SLC2A13: variants seen among roughly 807,000 people sequenced by gnomAD.
SLC2A13 encodes the protein proton myo-inositol cotransporter.
A neutral mutation model predicts 64.4 loss-of-function variants in SLC2A13; 32 were observed. The observed-to-expected ratio is 0.50, with a 90% confidence interval of 0.37 to 0.67. The LOEUF is 0.67. Among genes scored for constraint, SLC2A13 ranks in the 30% least tolerant of loss-of-function variants. The pLI is 0.00. For synonymous variants in SLC2A13, 338 were observed against 327.1 expected, an observed-to-expected ratio of 1.03 and a Z score of -0.36; for missense variants, 743 against 829.2, an observed-to-expected ratio of 0.90 and a Z score of 1.28.
intron 4 of SLC2A13, among the ~76,000 whole-genome samples, chr12:39,939,896 A>G (rs185027063): frequency 4.9e-4 from 74 of 152,286 alleles, no homozygotes; most frequent in African/African-American, 1.7e-3. Context: ...TCAAATGCAC[A>G]TTAAAAGTCC....
intron 6 of SLC2A13, among the ~76,000 whole-genome samples, chr12:39,831,998 A>AT (rs1942864806): frequency 6.6e-6 from 1 of 152,118 alleles, no homozygotes; most frequent in South Asian, 2.1e-4. Context: ...TAAAAATTAG[A>AT]TTTGTTATCA....
At position 39,896,377 on chromosome 12, in the gene SLC2A13, T is replaced by TGTATATGTGTATATATGTATAC. The variant is rs2136000229; in HGVS notation, c.1035-24417_1035-24416insGTATACATATATACACATATAC. On this transcript the variant is annotated intron_variant, in intron 4 of 9. Coordinates refer to ENST00000280871, the MANE Select transcript of SLC2A13 (RefSeq NM_052885.4). Reference sequence around the variant, plus strand: ...GTATATGTGTATATATGTATACATATATGTATGTATATGTGTATATATGTA... The same window carrying TGTATATGTGTATATATGTATAC: ...GTATATGTGTATATATGTATACATATGTATATGTGTATATATGTATACATGTATGTATATGTGTATATATGTA... 2.3e-5 allele frequency among the ~76,000 whole-genome samples: 3 copies of TGTATATGTGTATATATGTATAC among 133,026 alleles called. No individual in the cohort carries two copies. In the South Asian group the frequency reaches 7.0e-4, roughly 31 times the overall value. 87.3% of individuals were successfully genotyped at this position (133,026 alleles called of 152,430 possible).
intron 4 of SLC2A13, among the ~76,000 whole-genome samples, chr12:39,917,229 A>G (rs1260460132): frequency 1.0e-4 from 1 of 10,020 alleles, no homozygotes; most frequent in Non-Finnish European, 2.3e-3. Flanking sequence ...TCCCTGAGGA[A>G]GAGATGATGA....
At chr12:39,797,761 C>T (rs1024005370) in intron 7 of SLC2A13, among the ~76,000 whole-genome samples, 1 of 152,044 alleles carries the variant, frequency 6.6e-6, no homozygotes, top group Non-Finnish European at 1.5e-5. Flanking sequence ...CACACACACA[C>T]ACACACACAC....
intron 4 of SLC2A13, chr12:39,950,744 G>A (rs1946212287): frequency 6.6e-6 from 1 of 152,620 alleles, no homozygotes; most frequent in Admixed American, 6.5e-5. Context: ...TTAGAGAACA[G>A]GGAATTTTTC....
intron 9 of SLC2A13, among the ~76,000 whole-genome samples, chr12:39,762,331 T>C (rs1300994834): frequency 1.3e-5 from 2 of 152,106 alleles, no homozygotes; most frequent in Non-Finnish European, 2.9e-5. Flanking sequence ...TCCTCACCTT[T>C]ATTCTTCTAA....
intron 1 of SLC2A13, among the ~76,000 whole-genome samples, chr12:40,078,021 A>G (rs527752490): frequency 6.6e-6 from 1 of 152,290 alleles, no homozygotes; most frequent in South Asian, 2.1e-4. Flanking sequence ...AACTTTGCTG[A>G]AGTTGTTTAT....
chr12:39,970,896 T>G (rs1316984604), intron 3 of SLC2A13, among the ~76,000 whole-genome samples: 2 of 152,152 alleles, frequency 1.3e-5, no homozygotes, highest in Non-Finnish European at 2.9e-5. Context: ...TTGAGTGACC[T>G]TTTTTCCCCC....
intron 3 of SLC2A13, among the ~76,000 whole-genome samples, chr12:39,953,877 G>T (rs1946273790): frequency 6.6e-6 from 1 of 152,184 alleles, no homozygotes; most frequent in Non-Finnish European, 1.5e-5. Flanking sequence ...GGCTCCAGCA[G>T]CAGGGATGAA....
At chr12:39,874,056 A>G (rs188449815) in intron 4 of SLC2A13, among the ~76,000 whole-genome samples, 204 of 152,360 alleles carry the variant, frequency 1.3e-3, no homozygotes, top group African/African-American at 4.6e-3. Context: ...TGAAATGGAA[A>G]GACAATATTT....
Position 39,764,547 on chromosome 12 carries a change from T to C in SLC2A13, c.1633A>G (p.Asn545Asp). 6.2e-7 allele frequency: 1 copy of C among 1,611,848 alleles called. No individual in the cohort carries two copies. Among genetic ancestry groups the C allele is most frequent in the East Asian group, 2.2e-5 (1 of 44,810 alleles). The change falls in exon 9 of 10, where the codon AAT becomes GAT. Residue 545 changes from asparagine (N) to aspartate (D), a missense_variant. Asn to Asp is a conservative substitution (Grantham distance 23). Transcript: ENST00000280871. ...IYPLWARSTG[N>D]ACSSGINWIF... ...CAGTTTATTCCAGATGAACATGCAT[T>C]TCCTGTACTTCTTGCCCAAAGGGGA...
intron 4 of SLC2A13, among the ~76,000 whole-genome samples, chr12:39,914,388 T>C (rs540085171): frequency 5.9e-5 from 9 of 152,086 alleles, no homozygotes; most frequent in African/African-American, 1.7e-4. Flanking sequence ...GAGACAAAGG[T>C]TTTCAGACTT....
intron 7 of SLC2A13, among the ~76,000 whole-genome samples, chr12:39,817,323 T>A (rs1942366199): frequency 6.6e-6 from 1 of 152,158 alleles, no homozygotes; most frequent in Non-Finnish European, 1.5e-5. Flanking sequence ...TTAGACAAGG[T>A]TACACTGCTG....
At chr12:39,821,674 A>G (rs113911881) in intron 7 of SLC2A13, among the ~76,000 whole-genome samples, 1,926 of 152,286 alleles carry the variant, frequency 0.013, 38 homozygotes, top group African/African-American at 0.043. Context: ...CGAAGAGGGA[A>G]AAGAGGACGT....
chr12:39,828,069 C>A (rs976827056), intron 7 of SLC2A13, among the ~76,000 whole-genome samples: 1 of 152,038 alleles, frequency 6.6e-6, no homozygotes, highest in Admixed American at 6.6e-5. Context: ...AATCAACCAA[C>A]AAAAATACTA....
intron 2 of SLC2A13, among the ~76,000 whole-genome samples, chr12:40,033,958 C>T (rs1167248755): frequency 6.6e-6 from 1 of 152,138 alleles, no homozygotes; most frequent in Non-Finnish European, 1.5e-5. Flanking sequence ...ACAACTGCAT[C>T]CCGCATTTGT....
intron 4 of SLC2A13, among the ~76,000 whole-genome samples, chr12:39,894,284 A>G (rs1412033322): frequency 2.0e-5 from 3 of 152,214 alleles, no homozygotes; most frequent in Non-Finnish European, 2.9e-5. Flanking sequence ...TATGTTGCTT[A>G]ATTCTAATTC....
chr12:40,064,637 T>C (rs756419885), intron 1 of SLC2A13, among the ~76,000 whole-genome samples: 1 of 152,112 alleles, frequency 6.6e-6, no homozygotes, highest in Non-Finnish European at 1.5e-5. Flanking sequence ...CTACATCTCA[T>C]AGGAAAAGCT....
At chr12:39,905,441 C>T (rs1420591453) in intron 4 of SLC2A13, among the ~76,000 whole-genome samples, 2 of 152,118 alleles carry the variant, frequency 1.3e-5, no homozygotes, top group East Asian at 3.9e-4. Flanking sequence ...AAACTCCAGG[C>T]TGAATGTATC....
Sources: gnomAD v4.1 joint callset for allele counts (sites outside exome capture counted in the v4.1 genomes callset) on GRCh38, gnomAD v4.1.1 for gene constraint, MANE v1.5 for transcripts, NCBI Gene and HGNC (gene_info 2026-07-23, HGNC 2026-07-21) for gene names.